The following CUX2 variants were observed in gnomAD, a reference collection of about 807,000 sequenced individuals.
The protein encoded by CUX2 is homeobox protein cut-like 2.
CUX2 carries 40 observed loss-of-function variants against 144.8 expected under a neutral mutation model. That is an observed-to-expected ratio of 0.28 (90% confidence interval 0.21 to 0.36). The LOEUF is 0.36. Ranked by LOEUF, CUX2 falls within the 10% of genes least tolerant of loss-of-function variation. CUX2 has a pLI of 1.00. For synonymous variants in CUX2, 827 were observed against 875.6 expected, an observed-to-expected ratio of 0.94 and a Z score of 0.98; for missense variants, 1,615 against 1,994.0, an observed-to-expected ratio of 0.81 and a Z score of 3.62.
At chr12:111,144,639 G>A (rs527276140) in intron 1 of CUX2, among the ~76,000 whole-genome samples, 2 of 152,110 alleles carry the variant, frequency 1.3e-5, no homozygotes, top group African/African-American at 2.4e-5. Context: ...CATCTCCCTC[G>A]TGCTCAGCTC....
rs1746960998 is a variant in CUX2, at chr12:111,320,083, G to T, written c.2074G>T (p.Ala692Ser). 3 of 1,555,474 alleles carry T rather than the reference G, an allele frequency of 1.9e-6. No individual in the cohort carries two copies. Among genetic ancestry groups the T allele is most frequent in the African/African-American group, 1.4e-5 (1 of 73,444 alleles). Residue 692 changes from alanine (A) to serine (S), a missense_variant, in exon 17 of 22, where the codon GCC (alanine) becomes TCC (serine). Physicochemically the swap from Ala to Ser is moderately conservative, Grantham distance 99. Around this residue, in one of 12 missense-constraint regions of CUX2, gnomAD observed 390 missense variants for 387.1 expected, o/e 1.01. Coordinates refer to ENST00000261726, the MANE Select transcript of CUX2 (RefSeq NM_015267.4). The surrounding 1 kb of genome is among the most constrained non-coding windows in gnomAD (Gnocchi z 8.1). ...GTTPASTSED[A>S]IKSILEQARR... Reference sequence around the variant, plus strand: ...GACCCCCGCCAGCACCTCGGAGGACGCCATCAAGAGCATCCTGGAGCAGGC... The same window carrying T: ...GACCCCCGCCAGCACCTCGGAGGACTCCATCAAGAGCATCCTGGAGCAGGC...
At chr12:111,323,704 A>G (rs976178264) in intron 18 of CUX2, among the ~76,000 whole-genome samples, 1 of 151,888 alleles carries the variant, frequency 6.6e-6, no homozygotes, top group Non-Finnish European at 1.5e-5. Flanking sequence ...CAGGAGGATC[A>G]CTTGAGCTGT....
At chr12:111,228,747 A>G (rs1882309804) in intron 3 of CUX2, among the ~76,000 whole-genome samples, 1 of 151,910 alleles carries the variant, frequency 6.6e-6, no homozygotes, top group African/African-American at 2.4e-5. Context: ...TTTTTATTGC[A>G]TTTGGTTGAA....
chr12:111,074,993 G>A (rs903202883), intron 1 of CUX2, among the ~76,000 whole-genome samples: 3 of 152,160 alleles, frequency 2.0e-5, no homozygotes, highest in Non-Finnish European at 4.4e-5. Context: ...TAGGGATTCT[G>A]GGTTCATTCA....
chr12:111,338,114 C>T (rs546944450), intron 19 of CUX2, among the ~76,000 whole-genome samples, 172 bp from the exon 20 acceptor site: 2 of 152,318 alleles, frequency 1.3e-5, no homozygotes, highest in East Asian at 1.9e-4. Flanking sequence ...ACAGACCCCC[C>T]TCGGCTTCAC....
chr12:111,215,700 T>A (rs1018026997), intron 2 of CUX2, among the ~76,000 whole-genome samples: 17 of 152,104 alleles, frequency 1.1e-4, no homozygotes, highest in African/African-American at 3.6e-4. Context: ...TACCTTTGAC[T>A]CTCCTTTGAC....
chr12:111,220,548 C>A (rs1881791716), intron 3 of CUX2, among the ~76,000 whole-genome samples: 1 of 151,726 alleles, frequency 6.6e-6, no homozygotes, highest in Non-Finnish European at 1.5e-5. Context: ...AGCTGTGTGG[C>A]CTTGGGGAAA....
chr12:111,212,961 A>T (rs1243777007), intron 1 of CUX2, among the ~76,000 whole-genome samples: 1 of 152,236 alleles, frequency 6.6e-6, no homozygotes, highest in Non-Finnish European at 1.5e-5. Context: ...AAAGTGTTTC[A>T]TTGTGTGTGC....
At chr12:111,250,330 C>T (rs1883500852) in intron 3 of CUX2, among the ~76,000 whole-genome samples, 1 of 152,066 alleles carries the variant, frequency 6.6e-6, no homozygotes, top group Admixed American at 6.6e-5. Flanking sequence ...CCAAAGACAG[C>T]CCCCCGCCCC....
chr12:111,248,650 T>C (rs1883402739), intron 3 of CUX2, among the ~76,000 whole-genome samples: 2 of 152,148 alleles, frequency 1.3e-5, no homozygotes, highest in Non-Finnish European at 2.9e-5. Context: ...GGTGTCGGTC[T>C]AGGCCACAGA....
At chr12:111,341,574 A>G (rs1386797600) in intron 20 of CUX2, among the ~76,000 whole-genome samples, 1 of 151,226 alleles carries the variant, frequency 6.6e-6, no homozygotes, top group Admixed American at 6.6e-5. Context: ...AGGTTAGGCT[A>G]GCATCTTGTG....
At chr12:111,341,696 A>T in intron 20 of CUX2, 84 bp from the exon 21 acceptor site, 1 of 1,465,264 alleles carries the variant, frequency 6.8e-7, no homozygotes, top group South Asian at 1.3e-5. Context: ...TGACAGATGC[A>T]CTCCCACCAT....
chr12:111,328,686 G>A (rs1034922095), intron 18 of CUX2, among the ~76,000 whole-genome samples: 40 of 148,802 alleles, frequency 2.7e-4, no homozygotes, highest in Non-Finnish European at 8.9e-5. Context: ...TGTAACCTCC[G>A]GCTCCTGGGT....
intron 1 of CUX2, among the ~76,000 whole-genome samples, chr12:111,144,583 A>G (rs1792078134): frequency 1.3e-5 from 2 of 152,224 alleles, no homozygotes; most frequent in African/African-American, 4.8e-5. Flanking sequence ...AGTGGGGGAC[A>G]TGCATATTTC....
In CUX2 at chr12:111,034,530, G is replaced by C. The variant is rs1869318496; in HGVS notation, c.63+290G>C. On this transcript the variant is annotated intron_variant, in intron 1 of 21. Coordinates refer to ENST00000261726, the MANE Select transcript of CUX2 (RefSeq NM_015267.4). The surrounding 1 kb of genome is among the most constrained non-coding windows in gnomAD (Gnocchi z 4.2). Reference sequence around the variant, plus strand: ...GCGGCCAGGCGGCCGGGCGAGGAGCGGGGAAGGCAGGGGCTACGGCCTCGG... The same window carrying C: ...GCGGCCAGGCGGCCGGGCGAGGAGCCGGGAAGGCAGGGGCTACGGCCTCGG... Among the ~76,000 whole-genome samples the C allele has an allele frequency of 6.6e-6, 1 of 151,626 alleles. No homozygotes were observed. Among genetic ancestry groups the C allele is most frequent in the South Asian group, 2.1e-4 (1 of 4,836 alleles).
chr12:111,151,930 G>C (rs1006646941), intron 1 of CUX2, among the ~76,000 whole-genome samples: 2 of 152,126 alleles, frequency 1.3e-5, no homozygotes, highest in Admixed American at 1.3e-4. Flanking sequence ...CAGGAGATTG[G>C]CCTGGATCGC....
intron 1 of CUX2, among the ~76,000 whole-genome samples, chr12:111,120,418 C>T (rs1874575987): frequency 6.6e-6 from 1 of 152,112 alleles, no homozygotes; most frequent in South Asian, 2.1e-4. Flanking sequence ...CTTAAAACCA[C>T]AAATAGCCGG....
In CUX2 at chr12:111,228,267, C is replaced by G. The variant is rs558912000; in HGVS notation, c.222+10330C>G. The stretch of plus-strand genomic sequence containing the variant: ...AACCAGACTGCCTGGGTTCAACTCC[C>G]CATTTTGCTACTTATTATAGTCATC... On this transcript the variant is annotated intron_variant, in intron 3 of 21. Transcript: ENST00000261726. Among the ~76,000 whole-genome samples, 4 of 152,234 alleles carry G rather than the reference C, an allele frequency of 2.6e-5. 1 individual carries two copies. The highest frequency in any genetic ancestry group is 7.2e-5 in the African/African-American group (3 of 41,526).
At chr12:111,159,476 C>A (rs1877614765) in intron 1 of CUX2, among the ~76,000 whole-genome samples, 1 of 152,014 alleles carries the variant, frequency 6.6e-6, no homozygotes. Flanking sequence ...GAAATACTTC[C>A]CAAGGGTTCT....
Sources: allele counts gnomAD v4.1 joint callset (sites outside exome capture counted in the v4.1 genomes callset), GRCh38; gene constraint gnomAD v4.1.1; regional missense constraint gnomAD v4.1.1; non-coding constraint Gnocchi (gnomAD v3.1); transcripts MANE v1.5; gene names NCBI Gene and HGNC (gene_info 2026-07-23, HGNC 2026-07-21).